ARHGEF26: variants seen among roughly 807,000 people sequenced by gnomAD.
ARHGEF26 encodes Rho guanine nucleotide exchange factor (GEF) 26.
ARHGEF26 carries 59 observed loss-of-function variants against 89.4 expected under a neutral mutation model. The observed-to-expected ratio is 0.66, with a 90% CI of 0.54 to 0.82. ARHGEF26 has a LOEUF of 0.82. Among genes scored for constraint, ARHGEF26 ranks in the 40% least tolerant of loss-of-function variants. The pLI is 0.00. For synonymous variants in ARHGEF26, 500 were observed against 428.4 expected (o/e 1.17, Z -2.06); for missense variants, 1,234 against 1,085.6 (o/e 1.14, Z -1.92).
At chr3:154,252,908 TCA>T (rs1296197753) in intron 12 of ARHGEF26, among the ~76,000 whole-genome samples, 3 of 128,498 alleles carry the variant, frequency 2.3e-5, no homozygotes, top group African/African-American at 8.4e-5. Flanking sequence ...CCAAGTTCAT[TCA>T]GACTCTTTTG....
At position 154,254,781 on chromosome 3, in the gene ARHGEF26, G is replaced by A. The variant is rs1223466385; in HGVS notation, c.2430G>A (p.Leu810=). ...CTAAGCAGCCAGATGAACTCTCCCT[G>A]CAGGTGGCTGACGTCGTCCTCATCT... ...FTAKQPDELS[L]QVADVVLIYQ... The change falls in exon 14 of 15, where the codon CTG becomes CTA. Residue 810 remains leucine, a synonymous_variant. Coordinates refer to ENST00000465093, the MANE Select transcript of ARHGEF26 (RefSeq NM_015595.4). 1 of 1,613,856 alleles carries A rather than the reference G, an allele frequency of 6.2e-7. No homozygotes were observed.
chr3:154,226,061 G>T, intron 11 of ARHGEF26, 51 bp downstream of exon 11: 1 of 1,532,162 alleles, frequency 6.5e-7, no homozygotes, highest in Non-Finnish European at 8.8e-7. Flanking sequence ...TTAAAGTTCT[G>T]TAATTCAGAT....
chr3:154,147,157 C>A (rs1334710124), intron 4 of ARHGEF26, among the ~76,000 whole-genome samples: 1 of 152,174 alleles, frequency 6.6e-6, no homozygotes, highest in Non-Finnish European at 1.5e-5. Context: ...GTAATCCCAG[C>A]ACTTTGGGAG....
chr3:154,256,596 A>T lies in ARHGEF26; in HGVS notation c.*1123A>T. 1 of 1,094,320 alleles carries T rather than the reference A, an allele frequency of 9.1e-7. No homozygotes were observed. Among genetic ancestry groups the T allele is most frequent in the Non-Finnish European group, 1.1e-6 (1 of 904,384 alleles). 67.8% of individuals were successfully genotyped at this position (1,094,320 alleles called of 1,614,324 possible). ...AAAAACCTTCCCAAATGAGCTGATAAAAAACTGACGTGAGGCTGCTTTGCC... is the reference window on the plus strand; with the variant it reads ...AAAAACCTTCCCAAATGAGCTGATATAAAACTGACGTGAGGCTGCTTTGCC... On this transcript the variant is annotated 3_prime_UTR_variant, in exon 15 of 15. Transcript: ENST00000465093.
intron 11 of ARHGEF26, among the ~76,000 whole-genome samples, chr3:154,231,959 A>C (rs1716853256): frequency 6.6e-6 from 1 of 152,120 alleles, no homozygotes. Flanking sequence ...TGTTGCTGAA[A>C]AATGTGAAAT....
chr3:154,191,752 C>T (rs949475901), intron 8 of ARHGEF26, among the ~76,000 whole-genome samples: 2 of 152,170 alleles, frequency 1.3e-5, no homozygotes, highest in African/African-American at 2.4e-5. Context: ...TGACCTTGAG[C>T]AACTCAGTCT....
At chr3:154,169,492 T>C (rs1038546879) in intron 6 of ARHGEF26, among the ~76,000 whole-genome samples, 1 of 152,156 alleles carries the variant, frequency 6.6e-6, no homozygotes, top group Non-Finnish European at 1.5e-5. Context: ...TGCCACAGTT[T>C]TTTGTATTTT....
intron 4 of ARHGEF26, among the ~76,000 whole-genome samples, chr3:154,144,744 C>T (rs1470218238): frequency 6.6e-6 from 1 of 152,084 alleles, no homozygotes; most frequent in Admixed American, 6.6e-5. Context: ...CTCGATGTTG[C>T]CTGCTTGAGG....
chr3:154,249,058 G>GA (rs778002727), intron 12 of ARHGEF26, among the ~76,000 whole-genome samples: 13 of 152,256 alleles, frequency 8.5e-5, no homozygotes, highest in South Asian at 6.2e-4. Context: ...GCTGTAAAAA[G>GA]AAACACAAAA....
At chr3:154,199,443 A>G (rs1714493256) in intron 9 of ARHGEF26, among the ~76,000 whole-genome samples, 2 of 151,816 alleles carry the variant, frequency 1.3e-5, no homozygotes, top group Admixed American at 6.6e-5. Context: ...TATGTACTAC[A>G]TTTTCTTCAT....
intron 9 of ARHGEF26, among the ~76,000 whole-genome samples, chr3:154,199,803 C>G (rs901056501): frequency 6.6e-6 from 1 of 152,054 alleles, no homozygotes; most frequent in Admixed American, 6.6e-5. Flanking sequence ...ATTTGCATCT[C>G]GCTAATGATC....
Position 154,225,993 on chromosome 3 carries a change from T to C in ARHGEF26, c.2073T>C (p.Ile691=). 14 of 1,611,178 alleles carry C rather than the reference T, an allele frequency of 8.7e-6. No homozygotes were observed. Among genetic ancestry groups the C allele is most frequent in the Non-Finnish European group, 1.2e-5 (14 of 1,178,928 alleles). ...TCTTTCTCTTTAACGATGTGCTCAT[T>C]ATCACCAAGAAGAAGAGGTAAGTCT... ...VYFFLFNDVL[I]ITKKKSEESY... Residue 691 remains isoleucine, a synonymous_variant, in exon 11 of 15, where the codon ATT becomes ATC. Transcript: ENST00000465093.
chr3:154,255,898 T>C lies in ARHGEF26; in HGVS notation c.*425T>C, dbSNP rs1718468295. ...AGCAAGATTGTATATCTGTAAAGAA[T>C]GTCCAGTTTTGTAAATATTTCCCTG... On this transcript the variant is annotated 3_prime_UTR_variant, in exon 15 of 15. Coordinates refer to ENST00000465093, the MANE Select transcript of ARHGEF26 (RefSeq NM_015595.4). The C allele has an allele frequency of 1.0e-6, 1 of 990,024 alleles. No individual in the cohort carries two copies. 61.3% of individuals were successfully genotyped at this position (990,024 alleles called of 1,614,324 possible). A position where few individuals can be genotyped will look rare whatever the true frequency, so the allele number is the denominator to read the frequency against.
chr3:154,209,650 GAC>G (rs1397112608), intron 9 of ARHGEF26, among the ~76,000 whole-genome samples: 4 of 152,158 alleles, frequency 2.6e-5, no homozygotes, highest in African/African-American at 9.7e-5. Flanking sequence ...AGGGTGGAGT[GAC>G]ACAAGCACCC....
intron 4 of ARHGEF26, among the ~76,000 whole-genome samples, chr3:154,141,080 G>A (rs1420187849): frequency 6.6e-6 from 1 of 152,076 alleles, no homozygotes; most frequent in African/African-American, 2.4e-5. Context: ...TCCTGCCTCA[G>A]CCTCCTGAGT....
At chr3:154,228,805 G>T (rs551423337) in intron 11 of ARHGEF26, among the ~76,000 whole-genome samples, 1 of 152,182 alleles carries the variant, frequency 6.6e-6, no homozygotes, top group African/African-American at 2.4e-5. Context: ...TGAACAAGGC[G>T]ATAATTTAGG....
chr3:154,137,330 A>G (rs1315364633), intron 4 of ARHGEF26, among the ~76,000 whole-genome samples: 1 of 152,178 alleles, frequency 6.6e-6, no homozygotes, highest in African/African-American at 2.4e-5. Context: ...ACCCTGCACC[A>G]CTTCGGGGCT....
chr3:154,255,784 AAC>A lies in ARHGEF26; in HGVS notation c.*315_*316del, dbSNP rs1332084594. 1.8e-6 allele frequency: 2 copies of A among 1,134,110 alleles called. No homozygotes were observed. Among genetic ancestry groups the A allele is most frequent in the South Asian group, 7.1e-5 (2 of 28,126 alleles). The allele number at this position is 1,134,110 out of a possible 1,614,324, so 70.3% of individuals were successfully genotyped here. A position where few individuals can be genotyped will look rare whatever the true frequency, so the allele number is the denominator to read the frequency against. On this transcript the variant is annotated 3_prime_UTR_variant, in exon 15 of 15. Coordinates refer to ENST00000465093, the MANE Select transcript of ARHGEF26 (RefSeq NM_015595.4). ...GTTTCACCATGTTCTGGCAATAAAAAACACATATTATATCCTGGTTTTCTCTA... is the reference window on the plus strand; with the variant it reads ...GTTTCACCATGTTCTGGCAATAAAAAACATATTATATCCTGGTTTTCTCTA...
chr3:154,231,047 A>T (rs188399117), intron 11 of ARHGEF26, among the ~76,000 whole-genome samples: 2 of 152,140 alleles, frequency 1.3e-5, no homozygotes, highest in East Asian at 3.9e-4. Context: ...TGCAGAATAA[A>T]CTCGTTCCTA....
Sources: allele counts gnomAD v4.1 joint callset (sites outside exome capture counted in the v4.1 genomes callset), GRCh38; gene constraint gnomAD v4.1.1; transcripts MANE v1.5; gene names NCBI Gene and HGNC (gene_info 2026-07-23, HGNC 2026-07-21).